The following SV2C variants were observed in gnomAD, a reference collection of about 807,000 sequenced individuals.
The protein encoded by SV2C is solute carrier family 22 member B3.
Under a neutral mutation model 79.7 loss-of-function variants are expected in SV2C, and 49 were observed. The observed-to-expected ratio is 0.61, with a 90% CI of 0.49 to 0.78. The LOEUF (loss-of-function observed/expected upper bound fraction) is 0.78. SV2C is among the 30% of genes least tolerant of loss of function. The pLI, the probability that SV2C is intolerant of heterozygous loss-of-function variation, is 0.00. For missense variants in SV2C, 833 were observed against 912.9 expected, an observed-to-expected ratio of 0.91 and a Z score of 1.13; for synonymous variants, 334 against 333.2, an observed-to-expected ratio of 1.00 and a Z score of -0.03.
At chr5:75,850,551 G>A in the SV2C span, among the ~76,000 whole-genome samples, 1 of 151,926 alleles carries the variant, frequency 6.6e-6, no homozygotes, top group Non-Finnish European at 1.5e-5. Context: ...GTCATAGGTA[G>A]GTAGTGACTA....
In SV2C at chr5:76,268,667, A is replaced by G. The variant is rs117936704; in HGVS notation, c.914-16495A>G. On this transcript the variant is annotated intron_variant, in intron 4 of 12. Transcript: ENST00000502798. ...TACTTTTCTGTGGTAATAACCATTT[A>G]TAAGCTGTGGGTGTTTTCAGAAAGT... Among the ~76,000 whole-genome samples the G allele has an allele frequency of 1.2e-4, 18 of 152,328 alleles. 1 individual carries two copies. The East Asian group carries it at 3.5e-3, about 29-fold the overall frequency.
At chr5:76,118,407 C>T (rs1748352632) in intron 1 of SV2C, among the ~76,000 whole-genome samples, 1 of 152,180 alleles carries the variant, frequency 6.6e-6, no homozygotes, top group African/African-American at 2.4e-5. Context: ...TTCACAGGTT[C>T]TGGAGGTTAG....
the SV2C span, among the ~76,000 whole-genome samples, chr5:76,034,557 A>G: frequency 6.6e-6 from 1 of 151,760 alleles, no homozygotes; most frequent in Non-Finnish European, 1.5e-5. Flanking sequence ...ACATTTATTG[A>G]TTTGCGTATA....
chr5:76,005,106 A>G, the SV2C span, among the ~76,000 whole-genome samples: 1 of 152,198 alleles, frequency 6.6e-6, no homozygotes, highest in Non-Finnish European at 1.5e-5. Flanking sequence ...AGGACTTTAA[A>G]TAGCCCCAGG....
chr5:75,929,892 T>C, the SV2C span, among the ~76,000 whole-genome samples: 1 of 152,226 alleles, frequency 6.6e-6, no homozygotes, highest in African/African-American at 2.4e-5. Flanking sequence ...CTGAAAGTCC[T>C]GAATACAGAC....
intron 9 of SV2C, among the ~76,000 whole-genome samples, chr5:76,298,536 CA>C (rs1747855396): frequency 6.6e-6 from 1 of 152,062 alleles, no homozygotes; most frequent in Admixed American, 6.5e-5. Flanking sequence ...ACCAACATTA[CA>C]AAAAGCTAAG....
the SV2C span, among the ~76,000 whole-genome samples, chr5:75,997,874 A>G: frequency 1.3e-5 from 2 of 152,150 alleles, no homozygotes; most frequent in Admixed American, 6.5e-5. Flanking sequence ...TCATGCTTCT[A>G]TAAAGGCACA....
chr5:76,254,257 TAGAG>T (rs766602017), intron 4 of SV2C, among the ~76,000 whole-genome samples: 7 of 149,304 alleles, frequency 4.7e-5, no homozygotes, highest in African/African-American at 1.7e-4. Context: ...TATATATATA[TAGAG>T]AGAGAGAGAG....
the SV2C span, among the ~76,000 whole-genome samples, chr5:76,031,423 A>G: frequency 6.6e-6 from 1 of 152,326 alleles, no homozygotes; most frequent in African/African-American, 2.4e-5. Flanking sequence ...GCAGTAGGCA[A>G]GACCTACACA....
At chr5:76,278,170 T>TTGTGTG (rs34826654) in intron 4 of SV2C, among the ~76,000 whole-genome samples, 2 of 150,654 alleles carry the variant, frequency 1.3e-5, no homozygotes, top group Non-Finnish European at 3.0e-5. Flanking sequence ...CATGTACACA[T>TTGTGTG]TGTGTGTGTG....
rs1428177583 is a variant in SV2C at position 76,333,635 on chromosome 5, GT to G, written c.*8092del. The G allele has an allele frequency of 6.6e-6, 1 of 152,160 alleles. No homozygotes were observed. Among genetic ancestry groups the G allele is most frequent in the Non-Finnish European group, 1.5e-5 (1 of 68,040 alleles). The allele number at this position is 152,160 out of a possible 1,614,324, so 9.4% of individuals were successfully genotyped here. On this transcript the variant is annotated 3_prime_UTR_variant, in exon 13 of 13. Transcript: ENST00000502798. ...GCTGCATGTGTAAATTCTGTTTCAG[GT>G]TTTGGAGTTTTCATCTTAAGTACAG... is the stretch of plus-strand genomic sequence containing the variant.
the SV2C span, among the ~76,000 whole-genome samples, chr5:76,014,156 A>AGAAG: frequency 6.5e-4 from 72 of 111,528 alleles, no homozygotes; most frequent in African/African-American, 1.5e-3. Flanking sequence ...AAGGAAGGAA[A>AGAAG]GAAGGAAGGA....
At chr5:76,240,169 T>G (rs182748322) in intron 4 of SV2C, among the ~76,000 whole-genome samples, 100 of 152,312 alleles carry the variant, frequency 6.6e-4, no homozygotes, top group Non-Finnish European at 1.2e-3. Context: ...AGCATAAAAT[T>G]GTGGCACGTG....
chr5:75,895,686 GT>G, the SV2C span, among the ~76,000 whole-genome samples: 1 of 152,090 alleles, frequency 6.6e-6, no homozygotes, highest in Non-Finnish European at 1.5e-5. Context: ...TTTTGGAGGT[GT>G]GGGCCTCATG....
At chr5:75,997,820 A>G in the SV2C span, among the ~76,000 whole-genome samples, 1 of 152,134 alleles carries the variant, frequency 6.6e-6, no homozygotes, top group Non-Finnish European at 1.5e-5. Context: ...ATACCATTTG[A>G]CCCAGCCATC....
the SV2C span, among the ~76,000 whole-genome samples, chr5:75,948,953 T>C: frequency 1.3e-5 from 2 of 151,960 alleles, no homozygotes; most frequent in Non-Finnish European, 2.9e-5. Context: ...CCTTCCCAAA[T>C]CTCATGTTGC....
chr5:76,055,631 A>G, the SV2C span, among the ~76,000 whole-genome samples: 1 of 152,202 alleles, frequency 6.6e-6, no homozygotes, highest in African/African-American at 2.4e-5. Context: ...ATCCATGAGC[A>G]TGGAATGTTT....
At chr5:76,146,274 T>A (rs1388434138) in intron 2 of SV2C, among the ~76,000 whole-genome samples, 2 of 152,124 alleles carry the variant, frequency 1.3e-5, no homozygotes, top group Non-Finnish European at 2.9e-5. Context: ...TCAGGGTGAC[T>A]CCACGGTAAA....
chr5:75,923,296 T>TA, the SV2C span, among the ~76,000 whole-genome samples: 1 of 152,164 alleles, frequency 6.6e-6, no homozygotes, highest in African/African-American at 2.4e-5. Flanking sequence ...TAGTTAAATC[T>TA]AAGACCTGAA....
Sources: gnomAD v4.1 joint callset for allele counts (sites outside exome capture counted in the v4.1 genomes callset) on GRCh38, gnomAD v4.1.1 for gene constraint, MANE v1.5 for transcripts, NCBI Gene and HGNC (gene_info 2026-07-23, HGNC 2026-07-21) for gene names.